AKAP11: variants seen among roughly 807,000 people sequenced by gnomAD.
AKAP11 encodes the protein A-kinase anchoring protein 11.
Under a neutral mutation model 146.1 loss-of-function variants are expected in AKAP11, and 36 were observed. The ratio of observed to expected loss-of-function variants is 0.25; its 90% CI spans 0.19 to 0.33. The LOEUF (loss-of-function observed/expected upper bound fraction) is 0.33. AKAP11 is among the 10% of genes least tolerant of loss of function. AKAP11 has a pLI of 1.00. For synonymous variants in AKAP11, 780 were observed against 786.5 expected (o/e 0.99, Z 0.14); for missense variants, 2,201 against 2,197.0 (o/e 1.00, Z -0.04).
intron 6 of AKAP11, among the ~76,000 whole-genome samples, chr13:42,298,175 CCAAA>C (rs1959624888): frequency 6.6e-6 from 1 of 151,828 alleles, no homozygotes; most frequent in African/African-American, 2.4e-5. Context: ...GTTGCTGCCC[CCAAA>C]CAATTTATAA....
rs566720922 is a variant in AKAP11, at chr13:42,294,039, A to G, written c.168+1538A>G. Among the ~76,000 whole-genome samples, 4 of 152,332 alleles carry G rather than the reference A, an allele frequency of 2.6e-5. No individual in the cohort carries two copies. In the South Asian group the frequency reaches 8.3e-4, roughly 32 times the overall value. On this transcript the variant is annotated intron_variant, in intron 4 of 12. Coordinates refer to ENST00000025301, the MANE Select transcript of AKAP11 (RefSeq NM_016248.4). The stretch of plus-strand genomic sequence containing the variant: ...GCTCCTAGAGGTTAGCAATTCACCT[A>G]GATGCCTAGAAGTTAACTGTATGTA...
chr13:42,304,755 C>CTT (rs200885238), intron 8 of AKAP11, among the ~76,000 whole-genome samples: 37 of 144,760 alleles, frequency 2.6e-4, no homozygotes, highest in African/African-American at 3.0e-4. Context: ...CTCAGTGATT[C>CTT]TTTTTTTTTT....
intron 1 of AKAP11, among the ~76,000 whole-genome samples, chr13:42,276,141 A>C (rs1958911742): frequency 6.6e-6 from 1 of 152,196 alleles, no homozygotes; most frequent in South Asian, 2.1e-4. Flanking sequence ...CGCTGAGACC[A>C]GCTTTCAGGT....
upstream of AKAP11, among the ~76,000 whole-genome samples, chr13:42,271,900 A>G (rs1958774693): frequency 1.3e-5 from 2 of 151,374 alleles, no homozygotes; most frequent in Non-Finnish European, 3.0e-5. Context: ...GCACGTGGGA[A>G]GGCTTTTTTT....
Position 42,303,480 on chromosome 13 carries a change from G to C in AKAP11, c.4734G>C (p.Lys1578Asn). ...KSADRVTYAE[K>N]LSPLTGQACR... ...CAGACAGGGTCACTTATGCAGAAAA[G>C]TTGTCACCTCTTACAGGTCAAGCTT... The change falls in exon 8 of 13, where the codon AAG (lysine) becomes AAC (asparagine). Residue 1578 changes from lysine to asparagine, a missense_variant. This residue lies in a region of AKAP11 where 1,867 missense variants were observed against 1,833.5 expected (regional missense o/e 1.02). Coordinates refer to ENST00000025301, the MANE Select transcript of AKAP11 (RefSeq NM_016248.4). 5 of 1,614,174 alleles carry C rather than the reference G, an allele frequency of 3.1e-6. No homozygotes were observed. The highest frequency in any genetic ancestry group is 4.2e-6 in the Non-Finnish European group (5 of 1,180,020).
In AKAP11 at chr13:42,302,966, A is replaced by G. The variant is rs1468689337; in HGVS notation, c.4220A>G (p.Lys1407Arg). The G allele has an allele frequency of 1.2e-6, 2 of 1,613,822 alleles. No individual in the cohort carries two copies. Among genetic ancestry groups the G allele is most frequent in the East Asian group, 2.2e-5 (1 of 44,882 alleles). The change falls in exon 8 of 13, where the codon AAG becomes AGG. Residue 1407 changes from lysine to arginine, a missense_variant. By Grantham distance (26) the Lys-to-Arg change is conservative. This residue lies in a region of AKAP11 where 1,867 missense variants were observed against 1,833.5 expected (regional missense o/e 1.02). Transcript: ENST00000025301. ...CCAAGTTCACAAGTGAAAACAAACA[A>G]GGAACTGTTAATGTTTTCAAACAAA... Reference protein sequence around the residue: ...PVPSSQVKTNKELLMFSNKEH... With the variant: ...PVPSSQVKTNRELLMFSNKEH...
chr13:42,274,876 T>C (rs1034193653), intron 1 of AKAP11, among the ~76,000 whole-genome samples: 15 of 152,220 alleles, frequency 9.9e-5, no homozygotes, highest in African/African-American at 3.6e-4. Flanking sequence ...GTAAAGAGTT[T>C]CGGTTTGGGA....
At position 42,321,947 on chromosome 13, in the gene AKAP11, T is replaced by C. The variant is rs1214765811; in HGVS notation, c.*2719T>C. On this transcript the variant is annotated 3_prime_UTR_variant, in exon 13 of 13. Transcript: ENST00000025301. ...CTCTGATAGGGGGTTTTCAGAACCT[T>C]GTTCACACCAAAATGTGACAGTTCT... is the stretch of plus-strand genomic sequence containing the variant. 1 of 152,316 alleles carries C rather than the reference T, an allele frequency of 6.6e-6. No individual in the cohort carries two copies. Among genetic ancestry groups the C allele is most frequent in the Non-Finnish European group, 1.5e-5 (1 of 68,002 alleles). The allele number at this position is 152,316 out of a possible 1,614,324, so 9.4% of individuals were successfully genotyped here.
upstream of AKAP11, among the ~76,000 whole-genome samples, chr13:42,271,808 G>A (rs1368627519): frequency 6.6e-6 from 1 of 151,996 alleles, no homozygotes; most frequent in Non-Finnish European, 1.5e-5. Context: ...AGGCTGAGTG[G>A]GTCCCGGCCA....
intron 4 of AKAP11, among the ~76,000 whole-genome samples, chr13:42,293,246 A>G (rs532423973): frequency 4.9e-4 from 75 of 152,306 alleles, no homozygotes; most frequent in Admixed American, 1.2e-3. Context: ...TTACATCCTG[A>G]TAGATCCATT....
chr13:42,303,464 T>A lies in AKAP11; in HGVS notation c.4718T>A (p.Val1573Asp). The change falls in exon 8 of 13, where the codon GTC (valine) becomes GAC (aspartate). Residue 1573 changes from valine (V) to aspartate (D), a missense_variant. Val to Asp is a radical substitution (Grantham distance 152, BLOSUM62 -3). Transcript: ENST00000025301. ...VSETTKSADR[V>D]TYAEKLSPLT... Reference sequence around the variant, plus strand: ...GAGACCACAAAATCAGCAGACAGGGTCACTTATGCAGAAAAGTTGTCACCT... The same window carrying A: ...GAGACCACAAAATCAGCAGACAGGGACACTTATGCAGAAAAGTTGTCACCT... 6.2e-7 allele frequency: 1 copy of A among 1,614,086 alleles called. No individual in the cohort carries two copies.
chr13:42,322,317 T>C lies in AKAP11; in HGVS notation c.*3089T>C, dbSNP rs1961119762. 6.6e-6 allele frequency: 1 copy of C among 152,306 alleles called. No individual in the cohort carries two copies. The highest frequency in any genetic ancestry group is 2.1e-4 in the South Asian group (1 of 4,836). The allele number at this position is 152,306 out of a possible 1,614,324, so 9.4% of individuals were successfully genotyped here. On this transcript the variant is annotated 3_prime_UTR_variant, in exon 13 of 13. Coordinates refer to ENST00000025301, the MANE Select transcript of AKAP11 (RefSeq NM_016248.4). The stretch of plus-strand genomic sequence containing the variant: ...TTTACTAAATGCACTATGTATAAAG[T>C]GAAAGATAGTTTACTTATCTGACTT...
At chr13:42,316,829 A>G (rs1960843712) in intron 11 of AKAP11, among the ~76,000 whole-genome samples, 1 of 152,206 alleles carries the variant, frequency 6.6e-6, no homozygotes, top group South Asian at 2.1e-4. Context: ...AGGATGGAAT[A>G]TGTGCTGCAC....
Position 42,321,868 on chromosome 13 carries a change from GT to G in AKAP11, c.*2645del, listed in dbSNP as rs1455595796. On this transcript the variant is annotated 3_prime_UTR_variant, in exon 13 of 13. Coordinates refer to ENST00000025301, the MANE Select transcript of AKAP11 (RefSeq NM_016248.4). ...TTTGATGTACATCGAGCTGAATTCTGTTTTTACCAGTTTCAAAACCTTCAAG... is the reference window on the plus strand; with the variant it reads ...TTTGATGTACATCGAGCTGAATTCTGTTTTACCAGTTTCAAAACCTTCAAG... The G allele has an allele frequency of 6.6e-6, 1 of 152,238 alleles. No homozygotes were observed. Among genetic ancestry groups the G allele is most frequent in the African/African-American group, 2.4e-5 (1 of 41,434 alleles). The allele number at this position is 152,238 out of a possible 1,614,324, so 9.4% of individuals were successfully genotyped here.
intron 1 of AKAP11, among the ~76,000 whole-genome samples, chr13:42,275,353 T>C (rs1383879385): frequency 2.0e-5 from 3 of 152,244 alleles, no homozygotes; most frequent in African/African-American, 7.2e-5. Flanking sequence ...TCTCCAAGTC[T>C]CAGTTATGTT....
chr13:42,298,753 T>A lies in AKAP11; in HGVS notation c.572T>A (p.Phe191Tyr). 1 of 1,599,544 alleles carries A rather than the reference T, an allele frequency of 6.3e-7. No homozygotes were observed. The highest frequency in any genetic ancestry group is 8.5e-7 in the Non-Finnish European group (1 of 1,175,870). The stretch of plus-strand genomic sequence containing the variant: ...ATAGAGGATGACTTTGTCACTGCTT[T>A]TGAGCACTTAGAAGAGGAAGAGACT... ...SSIEDDFVTAFEHLEEEETSK... is the reference protein window; with the variant it reads ...SSIEDDFVTAYEHLEEEETSK... Residue 191 changes from phenylalanine (F) to tyrosine (Y), a missense_variant, in exon 7 of 13, where the codon TTT (phenylalanine) becomes TAT (tyrosine). This residue lies in a region of AKAP11 where 331 missense variants were observed against 347.4 expected (regional missense o/e 0.95). Coordinates refer to ENST00000025301, the MANE Select transcript of AKAP11 (RefSeq NM_016248.4).
At chr13:42,272,883 A>T (rs753771845) in intron 1 of AKAP11, among the ~76,000 whole-genome samples, 3 of 152,260 alleles carry the variant, frequency 2.0e-5, no homozygotes, top group Non-Finnish European at 2.9e-5. Context: ...AAGCTGCTTT[A>T]TAAAAAATAT....
intron 1 of AKAP11, among the ~76,000 whole-genome samples, chr13:42,280,938 G>T (rs1473353071): frequency 6.6e-6 from 1 of 152,184 alleles, no homozygotes; most frequent in African/African-American, 2.4e-5. Context: ...CCTACTGGTT[G>T]GGTTTGGTTT....
At chr13:42,313,798 G>A in intron 10 of AKAP11, 96 bp from the exon 11 acceptor site, 2 of 1,021,272 alleles carry the variant, frequency 2.0e-6, no homozygotes, top group South Asian at 1.5e-5. Context: ...ATGTCATATT[G>A]TAACATTCAT....
Sources: gnomAD v4.1 joint callset for allele counts (sites outside exome capture counted in the v4.1 genomes callset) on GRCh38, gnomAD v4.1.1 for gene constraint, gnomAD v4.1.1 regional missense constraint, MANE v1.5 for transcripts, NCBI Gene and HGNC (gene_info 2026-07-23, HGNC 2026-07-21) for gene names.